Variants in FARP1 observed in about 807,000 individuals in gnomAD.
FARP1 encodes FERM, ARHGEF and pleckstrin domain-containing protein 1.
Under a neutral mutation model 128.8 loss-of-function variants are expected in FARP1, and 52 were observed. The observed-to-expected ratio is 0.40, with a 90% CI of 0.32 to 0.51. FARP1 has a LOEUF of 0.51. Among genes scored for constraint, FARP1 ranks in the 20% least tolerant of loss-of-function variants. The pLI is 0.45. For missense variants in FARP1, 1,333 were observed against 1,367.9 expected, an observed-to-expected ratio of 0.97 and a Z score of 0.40; for synonymous variants, 580 against 551.8, an observed-to-expected ratio of 1.05 and a Z score of -0.72.
intron 3 of FARP1, chr13:98,345,543 T>C (rs1023708740): frequency 2.6e-5 from 4 of 152,202 alleles, no homozygotes; most frequent in African/African-American, 9.7e-5. Context: ...ATGATTTCAC[T>C]CCATTCTTAC....
chr13:98,343,454 T>C (rs1254691082), intron 2 of FARP1, among the ~76,000 whole-genome samples: 1 of 152,180 alleles, frequency 6.6e-6, no homozygotes. Flanking sequence ...AAGTTTTTGC[T>C]CAACTTTTTG....
At position 98,395,412 on chromosome 13, in the gene FARP1, A is replaced by G; in HGVS notation, c.1350A>G (p.Glu450=). The G allele has an allele frequency of 3.7e-6, 6 of 1,611,312 alleles. No individual in the cohort carries two copies. Among genetic ancestry groups the G allele is most frequent in the Non-Finnish European group, 5.1e-6 (6 of 1,178,708 alleles). ...ADGAASAPTE[E]EEEVVKDRTQ... ...GAGCCGCCTCGGCGCCCACGGAGGA[A>G]GAGGAGGAGGTCGTTAAGGATAGGA... The change falls in exon 13 of 27, where the codon GAA becomes GAG. Residue 450 remains glutamate, a synonymous_variant. Coordinates refer to ENST00000319562, the MANE Select transcript of FARP1 (RefSeq NM_005766.4).
At chr13:98,200,389 C>CG (rs964041838) in intron 1 of FARP1, among the ~76,000 whole-genome samples, 8 of 39,842 alleles carry the variant, frequency 2.0e-4, no homozygotes, top group African/African-American at 4.4e-4. Context: ...CAACCTTCAC[C>CG]CCCCCCCCCT....
intron 25 of FARP1, 71 bp from the exon 26 acceptor site, chr13:98,446,595 C>G (rs976220984): frequency 1.1e-5 from 16 of 1,518,402 alleles, no homozygotes; most frequent in Non-Finnish European, 1.4e-5. Flanking sequence ...CTGTCTGATG[C>G]GGGGCAGCAG....
intron 17 of FARP1, among the ~76,000 whole-genome samples, chr13:98,425,116 G>A (rs752866584): frequency 2.6e-5 from 4 of 151,634 alleles, no homozygotes; most frequent in East Asian, 1.9e-4. Flanking sequence ...TCACTTTAGC[G>A]AAAGCATTTT....
At chr13:98,285,654 A>G (rs1388080280) in intron 2 of FARP1, among the ~76,000 whole-genome samples, 3 of 152,216 alleles carry the variant, frequency 2.0e-5, no homozygotes, top group Admixed American at 1.3e-4. Flanking sequence ...TTTGGTCTCA[A>G]CTGCTTTTTA....
At chr13:98,268,807 TGTGTGTGTGTGTA>T (rs1884257357) in intron 2 of FARP1, among the ~76,000 whole-genome samples, 1 of 151,786 alleles carries the variant, frequency 6.6e-6, no homozygotes, top group Admixed American at 6.6e-5. Context: ...TGTGTGTGTG[TGTGTGTGTGTGTA>T]TACAGCTTCC....
chr13:98,410,432 C>T (rs2291176), intron 14 of FARP1, among the ~76,000 whole-genome samples: 72,187 of 152,040 alleles, frequency 0.47, 17,794 homozygotes, highest in African/African-American at 0.61. Flanking sequence ...CTTTTGCTGA[C>T]GGTAATTTTT....
At chr13:98,163,392 C>T (rs1877019746) in intron 1 of FARP1, among the ~76,000 whole-genome samples, 2 of 152,044 alleles carry the variant, frequency 1.3e-5, no homozygotes, top group African/African-American at 2.4e-5. Flanking sequence ...TCTGTTAAAC[C>T]CCTGTGACAT....
intron 2 of FARP1, among the ~76,000 whole-genome samples, chr13:98,251,498 C>G (rs1883320137): frequency 6.6e-6 from 1 of 152,020 alleles, no homozygotes; most frequent in Admixed American, 6.6e-5. Context: ...GCCTGGCCAA[C>G]ATGGTGAAAC....
intron 16 of FARP1, among the ~76,000 whole-genome samples, chr13:98,415,321 G>A (rs1284772733): frequency 1.3e-5 from 2 of 152,170 alleles, no homozygotes; most frequent in African/African-American, 4.8e-5. Context: ...TGCAACAACC[G>A]ACCCTGCAGT....
rs79882920 is a variant in FARP1, at chr13:98,311,565, A to C, written c.172-32197A>C. Reference sequence around the variant, plus strand: ...ATCAGGGTGCTGTGTGTGTGTGTGCATGTGCGTGTGTGTGTGTGCACACAC... The same window carrying C: ...ATCAGGGTGCTGTGTGTGTGTGTGCCTGTGCGTGTGTGTGTGTGCACACAC... On this transcript the variant is annotated intron_variant, in intron 2 of 26. Coordinates refer to ENST00000319562, the MANE Select transcript of FARP1 (RefSeq NM_005766.4). Among the ~76,000 whole-genome samples, 276 of 126,290 alleles carry C rather than the reference A, an allele frequency of 2.2e-3. 1 individual carries two copies. The highest frequency in any genetic ancestry group is 6.5e-3 in the African/African-American group (259 of 39,818). 82.9% of individuals were successfully genotyped at this position (126,290 alleles called of 152,430 possible). A position where few individuals can be genotyped will look rare whatever the true frequency, so the allele number is the denominator to read the frequency against.
At chr13:98,356,621 TTTTA>T (rs141310849) in intron 3 of FARP1, among the ~76,000 whole-genome samples, 47 of 144,370 alleles carry the variant, frequency 3.3e-4, no homozygotes, top group African/African-American at 5.9e-4. Flanking sequence ...CCTTTTAAAA[TTTTA>T]TTTATTTATT....
Position 98,227,640 on chromosome 13 carries a change from A to T in FARP1, c.171+14227A>T, listed in dbSNP as rs1234262754. 2.6e-5 allele frequency among the ~76,000 whole-genome samples: 4 copies of T among 152,316 alleles called. No homozygotes were observed. In the East Asian group the frequency reaches 7.7e-4, roughly 29 times the overall value. ...CCTTTGGGGGCATGCCCAGATTGAA[A>T]GCAGGATCTCGTCGAGATAATTGAA... On this transcript the variant is annotated intron_variant, in intron 2 of 26. Coordinates refer to ENST00000319562, the MANE Select transcript of FARP1 (RefSeq NM_005766.4).
At chr13:98,336,473 T>G (rs1887749185) in intron 2 of FARP1, among the ~76,000 whole-genome samples, 1 of 152,212 alleles carries the variant, frequency 6.6e-6, no homozygotes, top group South Asian at 2.1e-4. Flanking sequence ...GGTTTTGCCG[T>G]GTTGGCCAGA....
At chr13:98,395,995 G>A (rs1890527468) in intron 13 of FARP1, 1 of 399,178 alleles carries the variant, frequency 2.5e-6, no homozygotes, top group African/African-American at 2.1e-5. Context: ...CCCGGACCAG[G>A]GTCCTCCTTA....
chr13:98,190,977 A>G (rs1477333322), intron 1 of FARP1, among the ~76,000 whole-genome samples: 1 of 152,136 alleles, frequency 6.6e-6, no homozygotes, highest in Non-Finnish European at 1.5e-5. Flanking sequence ...TGGACACTGC[A>G]TCTTATCATC....
intron 2 of FARP1, among the ~76,000 whole-genome samples, chr13:98,298,171 C>CT (rs1163891323): frequency 1.3e-5 from 2 of 152,246 alleles, no homozygotes; most frequent in African/African-American, 2.4e-5. Context: ...CATCTGTCCT[C>CT]TATCAGGCAT....
At chr13:98,178,422 C>T (rs1039685613) in intron 1 of FARP1, among the ~76,000 whole-genome samples, 26 of 152,300 alleles carry the variant, frequency 1.7e-4, no homozygotes, top group Non-Finnish European at 2.6e-4. Context: ...TGTGGAACTC[C>T]TGACCTCAGG....
Sources: gnomAD v4.1 joint callset for allele counts (sites outside exome capture counted in the v4.1 genomes callset) on GRCh38, gnomAD v4.1.1 for gene constraint, MANE v1.5 for transcripts, NCBI Gene and HGNC (gene_info 2026-07-23, HGNC 2026-07-21) for gene names.